C5orf34: variants seen among roughly 807,000 people sequenced by gnomAD.
The protein encoded by C5orf34 is chromosome 5 open reading frame 34, also known as uncharacterized protein C5orf34.
A neutral mutation model predicts 78.4 loss-of-function variants in C5orf34; 73 were observed. That is an observed-to-expected ratio of 0.93 (90% CI 0.77 to 1.13). The LOEUF (loss-of-function observed/expected upper bound fraction) is 1.13, where lower values mean the gene tolerates loss of function less well. Among genes scored for constraint, C5orf34 ranks in the 50% most tolerant of loss-of-function variants. The probability of loss-of-function intolerance (pLI) is 0.00; values close to 1 mark genes in which losing one functional copy is unlikely to be tolerated. For missense variants in C5orf34, 730 were observed against 732.7 expected, an observed-to-expected ratio of 1.00 and a Z score of 0.04; for synonymous variants, 251 against 246.6, an observed-to-expected ratio of 1.02 and a Z score of -0.17.
chr5:43,507,122 T>C (rs1044445418), intron 3 of C5orf34, among the ~76,000 whole-genome samples: 2 of 152,192 alleles, frequency 1.3e-5, no homozygotes, highest in Non-Finnish European at 2.9e-5. Flanking sequence ...TTCAGGAGGC[T>C]TAGAGGAAAC....
intron 10 of C5orf34, 100 bp from the exon 11 acceptor site, chr5:43,490,829 T>C (rs1745252220): frequency 3.1e-6 from 2 of 646,648 alleles, no homozygotes; most frequent in Non-Finnish European, 5.1e-6. Context: ...GAAAAAAGGA[T>C]AAAGAAAAAA....
chr5:43,495,812 G>T, intron 6 of C5orf34: 2 of 1,577,596 alleles, frequency 1.3e-6, no homozygotes, highest in South Asian at 2.2e-5. Context: ...CTTACGGGTG[G>T]CTTTCCATCC....
intron 6 of C5orf34, among the ~76,000 whole-genome samples, chr5:43,501,172 C>A (rs1452723497): frequency 1.3e-5 from 2 of 152,212 alleles, no homozygotes; most frequent in Admixed American, 1.3e-4. Flanking sequence ...TTTTATCTTG[C>A]AATTTTGCAC....
At chr5:43,510,520 C>T (rs966542031) in intron 1 of C5orf34, among the ~76,000 whole-genome samples, 7 of 152,218 alleles carry the variant, frequency 4.6e-5, no homozygotes, top group South Asian at 2.1e-4. Flanking sequence ...GCTGCCATCT[C>T]GGCTCACTGC....
chr5:43,497,727 AC>A (rs1242268615), intron 6 of C5orf34, among the ~76,000 whole-genome samples: 1 of 152,242 alleles, frequency 6.6e-6, no homozygotes, highest in Non-Finnish European at 1.5e-5. Flanking sequence ...TAGGTACCAA[AC>A]AAAAGTCTTT....
intron 11 of C5orf34, among the ~76,000 whole-genome samples, chr5:43,489,779 G>T (rs1745206099): frequency 6.6e-6 from 1 of 152,046 alleles, no homozygotes; most frequent in Non-Finnish European, 1.5e-5. Flanking sequence ...TTTACATTTT[G>T]TTTCACTACA....
chr5:43,508,715 A>C lies in C5orf34; in HGVS notation c.196-49T>G, dbSNP rs374668598. ...AACCTTAATGTAAAATGATTTGAAA[A>C]TCAATTAAAAATGACAGTACAGTAT... On this transcript the variant is annotated intron_variant, in intron 2 of 12. Transcript: ENST00000306862. 1.8e-4 allele frequency: 206 copies of C among 1,127,176 alleles called. 2 individuals carry two copies. The African/African-American group carries it at 3.0e-3, about 16-fold the overall frequency. The allele number at this position is 1,127,176 out of a possible 1,614,324, so 69.8% of individuals were successfully genotyped here. A position where few individuals can be genotyped will look rare whatever the true frequency, so the allele number is the denominator to read the frequency against.
intron 3 of C5orf34, among the ~76,000 whole-genome samples, chr5:43,508,027 G>A (rs1328514539): frequency 8.1e-5 from 12 of 147,944 alleles, no homozygotes; most frequent in African/African-American, 1.5e-4. Flanking sequence ...GCAGTGAGCC[G>A]AGATCGTGCC....
chr5:43,505,499 G>A, intron 4 of C5orf34: 1 of 405,268 alleles, frequency 2.5e-6, no homozygotes, highest in Admixed American at 4.0e-5. Context: ...CTGTGTCTTA[G>A]TCATCTCTGC....
At chr5:43,496,406 T>C in intron 6 of C5orf34, 1 of 1,595,722 alleles carries the variant, frequency 6.3e-7, no homozygotes, top group South Asian at 1.1e-5. Context: ...TTGCCCGAAT[T>C]TACGTGTCCA....
At chr5:43,505,214 C>T (rs1026987196) in intron 4 of C5orf34, among the ~76,000 whole-genome samples, 9 of 152,236 alleles carry the variant, frequency 5.9e-5, no homozygotes, top group African/African-American at 2.2e-4. Context: ...CTTAGCCTTA[C>T]AGAAGCCACT....
intron 3 of C5orf34, among the ~76,000 whole-genome samples, chr5:43,507,741 A>T (rs1746051166): frequency 6.6e-6 from 1 of 152,212 alleles, no homozygotes; most frequent in African/African-American, 2.4e-5. Flanking sequence ...ACTGCCATAG[A>T]CAAATTAGGT....
chr5:43,509,097 C>A, intron 2 of C5orf34, 48 bp downstream of exon 2: 1 of 1,482,394 alleles, frequency 6.7e-7, no homozygotes, highest in South Asian at 1.2e-5. Context: ...AGAGCAAGAA[C>A]CTGTCTCTAA....
chr5:43,498,297 A>G (rs1745625566), intron 6 of C5orf34, among the ~76,000 whole-genome samples: 1 of 152,080 alleles, frequency 6.6e-6, no homozygotes, highest in African/African-American at 2.4e-5. Flanking sequence ...CTGGGTTCTT[A>G]TTTCCAAGAC....
At chr5:43,492,579 A>C (rs967135423) in intron 9 of C5orf34, 141 bp downstream of exon 9, 11 of 737,208 alleles carry the variant, frequency 1.5e-5, no homozygotes, top group Admixed American at 6.0e-5. Context: ...TTTTGCTAGG[A>C]AATCCAAAGA....
Position 43,492,709 on chromosome 5 carries a change from A to C in C5orf34, c.1485+11T>G. 1 of 1,604,618 alleles carries C rather than the reference A, an allele frequency of 6.2e-7. No individual in the cohort carries two copies. The highest frequency in any genetic ancestry group is 1.1e-5 in the South Asian group (1 of 89,942). On this transcript the variant is annotated intron_variant, in intron 9 of 12. Coordinates refer to ENST00000306862, the MANE Select transcript of C5orf34 (RefSeq NM_198566.4). ...CAATAAAAAATAGATCTAAGTCTGA[A>C]GTATACCCACCTGTCTCTTCTCAAT...
At chr5:43,509,121 T>A in intron 2 of C5orf34, 24 bp downstream of exon 2, 2 of 1,591,798 alleles carry the variant, frequency 1.3e-6, no homozygotes, top group Non-Finnish European at 1.7e-6. Context: ...ACAAAAAAGT[T>A]GTTTACGTGA....
At chr5:43,489,844 G>A (rs1425476165) in intron 11 of C5orf34, among the ~76,000 whole-genome samples, 2 of 151,998 alleles carry the variant, frequency 1.3e-5, no homozygotes, top group Admixed American at 1.3e-4. Flanking sequence ...ATTGTTCCTG[G>A]TATCCCTGTC....
chr5:43,493,514 A>G (rs1055678625), intron 8 of C5orf34, 29 bp downstream of exon 8: 5 of 1,288,246 alleles, frequency 3.9e-6, no homozygotes, highest in Non-Finnish European at 5.6e-6. Flanking sequence ...ATTTAAAAAT[A>G]TCTTGCTTTT....
Sources: gnomAD v4.1 joint callset for allele counts (sites outside exome capture counted in the v4.1 genomes callset) on GRCh38, gnomAD v4.1.1 for gene constraint, MANE v1.5 for transcripts, NCBI Gene and HGNC (gene_info 2026-07-23, HGNC 2026-07-21) for gene names.